The following VTI1A variants were observed in gnomAD, a reference collection of about 807,000 sequenced individuals.
The protein encoded by VTI1A is vesicle transport through interaction with t-SNAREs homolog 1A.
In VTI1A, 22 loss-of-function variants were observed where a neutral mutation model predicts 34.9. The observed-to-expected ratio is 0.63, with a 90% CI of 0.45 to 0.90. The LOEUF (loss-of-function observed/expected upper bound fraction) is 0.90. VTI1A is among the 40% of genes least tolerant of loss of function. The pLI is 0.00. For missense variants in VTI1A, 268 were observed against 275.6 expected (o/e 0.97, Z 0.20); for synonymous variants, 87 against 97.3 (o/e 0.89, Z 0.62).
chr10:112,479,255 G>A (rs889048364), intron 3 of VTI1A, among the ~76,000 whole-genome samples: 4 of 151,718 alleles, frequency 2.6e-5, no homozygotes, highest in African/African-American at 9.7e-5. Flanking sequence ...AGAGGAGGAA[G>A]ACTCTGTAGT....
At chr10:112,703,681 G>A (rs1849093937) in intron 7 of VTI1A, among the ~76,000 whole-genome samples, 3 of 152,124 alleles carry the variant, frequency 2.0e-5, no homozygotes, top group Admixed American at 2.0e-4. Context: ...ATAGGAAAAT[G>A]AAACATCACA....
chr10:112,486,557 C>T (rs1430523184), intron 3 of VTI1A, among the ~76,000 whole-genome samples: 1 of 137,706 alleles, frequency 7.3e-6, no homozygotes, highest in Non-Finnish European at 1.6e-5. Flanking sequence ...TAAAACTAGC[C>T]TTGGAAATCT....
intron 7 of VTI1A, among the ~76,000 whole-genome samples, 171 bp from the exon 8 acceptor site, chr10:112,815,119 G>A (rs566697284): frequency 1.4e-5 from 2 of 145,926 alleles, no homozygotes; most frequent in East Asian, 2.0e-4. Flanking sequence ...AGAAAGCTGC[G>A]TGATGTCTCT....
chr10:112,568,511 A>G (rs1851989339), intron 5 of VTI1A, among the ~76,000 whole-genome samples: 1 of 147,338 alleles, frequency 6.8e-6, no homozygotes, highest in African/African-American at 2.5e-5. Flanking sequence ...TCTCCATCTC[A>G]AAAAAAAAAA....
intron 7 of VTI1A, among the ~76,000 whole-genome samples, chr10:112,730,549 T>C (rs1434036912): frequency 7.9e-5 from 12 of 152,024 alleles, no homozygotes. Flanking sequence ...CTTTTTCCTA[T>C]GTATTACAAC....
At chr10:112,636,448 G>A (rs1846353975) in intron 5 of VTI1A, among the ~76,000 whole-genome samples, 1 of 152,046 alleles carries the variant, frequency 6.6e-6, no homozygotes, top group East Asian at 1.9e-4. Flanking sequence ...AACTCCAGCC[G>A]GGTGCAGTGG....
intron 7 of VTI1A, among the ~76,000 whole-genome samples, chr10:112,715,951 C>T (rs750560146): frequency 2.3e-4 from 35 of 152,180 alleles, no homozygotes; most frequent in Non-Finnish European, 4.3e-4. Context: ...TGGGAAGACA[C>T]GCTGCTTTAC....
intron 3 of VTI1A, among the ~76,000 whole-genome samples, chr10:112,490,076 T>C (rs2074263238): frequency 6.6e-6 from 1 of 152,224 alleles, no homozygotes; most frequent in South Asian, 2.1e-4. Context: ...AAATGACTTG[T>C]TTTTATTTAT....
intron 3 of VTI1A, among the ~76,000 whole-genome samples, chr10:112,496,803 A>G (rs1849041765): frequency 6.6e-6 from 1 of 152,204 alleles, no homozygotes; most frequent in South Asian, 2.1e-4. Context: ...CTGAATGTAT[A>G]TGTGATCACA....
Position 112,722,977 on chromosome 10 carries a change from C to T in VTI1A, c.560+53979C>T, listed in dbSNP as rs1849865801. ...AGGGGCAGTGTCTTACAGTGGTTCA[C>T]ACTGCTGCTCTTGAGCCAGACAGCC... On this transcript the variant is annotated intron_variant, in intron 7 of 7. Coordinates refer to ENST00000393077, the MANE Select transcript of VTI1A (RefSeq NM_145206.4). Among the ~76,000 whole-genome samples the T allele has an allele frequency of 1.3e-5, 2 of 152,194 alleles. 1 individual carries two copies. Among genetic ancestry groups the T allele is most frequent in the Admixed American group, 1.3e-4 (2 of 15,276 alleles).
chr10:112,589,506 G>A (rs958128498), intron 5 of VTI1A, among the ~76,000 whole-genome samples: 1 of 152,170 alleles, frequency 6.6e-6, no homozygotes, highest in African/African-American at 2.4e-5. Context: ...TCTTGGGTAT[G>A]TCTTTATCAG....
intron 3 of VTI1A, among the ~76,000 whole-genome samples, chr10:112,511,976 C>A (rs960886703): frequency 6.6e-6 from 1 of 152,082 alleles, no homozygotes; most frequent in Non-Finnish European, 1.5e-5. Flanking sequence ...TTGATGAACA[C>A]TTAGGTTGAT....
rs149972559 is a variant in VTI1A, at chr10:112,766,808, T to C, written c.561-48482T>C. On this transcript the variant is annotated intron_variant, in intron 7 of 7. Coordinates refer to ENST00000393077, the MANE Select transcript of VTI1A (RefSeq NM_145206.4). ...GAAATTTAACATAGCATAGGTATTC[T>C]AAGTATTTACAAGTACTTTAAGAAG... Among the ~76,000 whole-genome samples the C allele has an allele frequency of 4.4e-3, 667 of 152,324 alleles. 7 individuals carry two copies. The highest frequency in any genetic ancestry group is 0.015 in the African/African-American group (640 of 41,582).
the VTI1A span, chr10:112,827,566 A>G: frequency 6.6e-6 from 1 of 152,102 alleles, no homozygotes; most frequent in Non-Finnish European, 1.5e-5. Context: ...TTGTTTGTAA[A>G]AAATCTATTT....
intron 5 of VTI1A, among the ~76,000 whole-genome samples, chr10:112,633,189 G>A (rs1313960051): frequency 6.6e-6 from 1 of 152,132 alleles, no homozygotes; most frequent in Non-Finnish European, 1.5e-5. Flanking sequence ...TGATGGTGAT[G>A]AAAGCCACTT....
intron 7 of VTI1A, among the ~76,000 whole-genome samples, chr10:112,801,269 C>T (rs1452467988): frequency 6.6e-6 from 1 of 152,152 alleles, no homozygotes; most frequent in Non-Finnish European, 1.5e-5. Flanking sequence ...ACCTTTCGGC[C>T]ACCTCTGGAG....
chr10:112,789,939 C>CTT (rs1852405245), intron 7 of VTI1A, among the ~76,000 whole-genome samples: 1 of 133,328 alleles, frequency 7.5e-6, no homozygotes, highest in Admixed American at 8.3e-5. Flanking sequence ...TAGATCACAC[C>CTT]TTTTTTTCTT....
chr10:112,631,019 G>A (rs996338273), intron 5 of VTI1A, among the ~76,000 whole-genome samples: 7 of 152,140 alleles, frequency 4.6e-5, no homozygotes, highest in African/African-American at 1.4e-4. Flanking sequence ...CTACCTGGGA[G>A]GCTGAGACAG....
At chr10:112,782,381 G>A (rs1034941974) in intron 7 of VTI1A, among the ~76,000 whole-genome samples, 7 of 152,272 alleles carry the variant, frequency 4.6e-5, no homozygotes, top group Admixed American at 2.6e-4. Context: ...CAGGCCCTGC[G>A]TGAAGGCCCT....
Sources: gnomAD v4.1 joint callset for allele counts (sites outside exome capture counted in the v4.1 genomes callset) on GRCh38, gnomAD v4.1.1 for gene constraint, MANE v1.5 for transcripts, NCBI Gene and HGNC (gene_info 2026-07-23, HGNC 2026-07-21) for gene names.